The following PPME1 variants were observed in gnomAD, a reference collection of about 807,000 sequenced individuals.
The protein encoded by PPME1 is testicular secretory protein Li 39.
PPME1 carries 17 observed loss-of-function variants against 56.9 expected under a neutral mutation model. The ratio of observed to expected loss-of-function variants is 0.30; its 90% CI spans 0.20 to 0.45. PPME1 has a LOEUF of 0.45. PPME1 is among the 20% of genes least tolerant of loss of function. PPME1 has a pLI of 1.00. For missense variants in PPME1, 357 were observed against 483.2 expected (o/e 0.74, Z 2.45); for synonymous variants, 122 against 156.2 (o/e 0.78, Z 1.63).
At chr11:74,203,657 C>G in intron 1 of PPME1, 71 bp from the exon 2 acceptor site, 1 of 1,135,362 alleles carries the variant, frequency 8.8e-7, no homozygotes, top group Non-Finnish European at 1.3e-6. Context: ...TTACATTTAG[C>G]ATTTATTGAC....
chr11:74,243,735 G>C (rs983153453), intron 9 of PPME1, among the ~76,000 whole-genome samples: 1 of 151,058 alleles, frequency 6.6e-6, no homozygotes, highest in African/African-American at 2.4e-5. Flanking sequence ...CAAGTTTCTT[G>C]ATTTCCCATC....
At chr11:74,245,629 A>ACT (rs1439750408) in intron 9 of PPME1, among the ~76,000 whole-genome samples, 2 of 152,142 alleles carry the variant, frequency 1.3e-5, no homozygotes, top group Non-Finnish European at 2.9e-5. Context: ...TTAGTACTTT[A>ACT]CTATACCACA....
chr11:74,176,829 C>T (rs1351662368), intron 1 of PPME1, among the ~76,000 whole-genome samples: 1 of 147,228 alleles, frequency 6.8e-6, no homozygotes, highest in Non-Finnish European at 1.5e-5. Flanking sequence ...TTCCCGGGTT[C>T]AGGCGATTCT....
At chr11:74,173,846 T>TA (rs1857344342) in intron 1 of PPME1, among the ~76,000 whole-genome samples, 1 of 152,178 alleles carries the variant, frequency 6.6e-6, no homozygotes, top group Non-Finnish European at 1.5e-5. Flanking sequence ...CTGGACAACT[T>TA]ACCTTTTTAA....
chr11:74,190,182 C>G (rs752449227), intron 1 of PPME1, among the ~76,000 whole-genome samples: 2 of 152,164 alleles, frequency 1.3e-5, no homozygotes, highest in Non-Finnish European at 2.9e-5. Context: ...CCCTAGAGGA[C>G]CCACCTTCTG....
At chr11:74,195,259 T>C (rs1170748666) in intron 1 of PPME1, among the ~76,000 whole-genome samples, 6 of 152,230 alleles carry the variant, frequency 3.9e-5, no homozygotes, top group Non-Finnish European at 8.8e-5. Flanking sequence ...CCCACACTGG[T>C]ATTGAATTGC....
intron 4 of PPME1, chr11:74,222,599 C>A: frequency 2.2e-6 from 1 of 456,072 alleles, no homozygotes; most frequent in Non-Finnish European, 4.0e-6. Context: ...AGCAATTATC[C>A]TGCCTCAGTC....
chr11:74,171,585 T>C, intron 1 of PPME1, 63 bp downstream of exon 1: 2 of 1,516,362 alleles, frequency 1.3e-6, no homozygotes, highest in South Asian at 1.2e-5. Flanking sequence ...ATGGTATCTC[T>C]GGGCGTTCAT....
intron 4 of PPME1, 133 bp from the exon 5 acceptor site, chr11:74,225,072 C>A: frequency 1.7e-6 from 1 of 574,874 alleles, no homozygotes; most frequent in Non-Finnish European, 2.9e-6. Flanking sequence ...GAAGAAAATC[C>A]TTGCTAAACT....
At chr11:74,225,394 C>T (rs1022513187) in intron 5 of PPME1, 138 bp downstream of exon 5, 2 of 588,536 alleles carry the variant, frequency 3.4e-6, no homozygotes, top group Non-Finnish European at 5.6e-6. Flanking sequence ...TCTCTCTCCT[C>T]TACTTCTGGT....
intron 1 of PPME1, among the ~76,000 whole-genome samples, chr11:74,193,126 G>T (rs1857885948): frequency 6.6e-6 from 1 of 152,192 alleles, no homozygotes; most frequent in South Asian, 2.1e-4. Flanking sequence ...AGTACATTAT[G>T]TTTTTTCACT....
chr11:74,191,164 C>T (rs985370128), intron 1 of PPME1, among the ~76,000 whole-genome samples: 5 of 152,112 alleles, frequency 3.3e-5, no homozygotes, highest in African/African-American at 7.2e-5. Context: ...AGTGAGACTT[C>T]GTTTCTACTA....
At chr11:74,224,129 A>G (rs1433873515) in intron 4 of PPME1, among the ~76,000 whole-genome samples, 4 of 149,294 alleles carry the variant, frequency 2.7e-5, no homozygotes, top group Non-Finnish European at 6.0e-5. Flanking sequence ...TATAAGGTGT[A>G]AGGAAGGGAT....
chr11:74,220,225 ACTT>A (rs1005230717), intron 3 of PPME1, among the ~76,000 whole-genome samples: 1 of 152,166 alleles, frequency 6.6e-6, no homozygotes, highest in Non-Finnish European at 1.5e-5. Flanking sequence ...TTCCCAGCCG[ACTT>A]CTTAAGAAGA....
intron 5 of PPME1, 108 bp downstream of exon 5, chr11:74,225,364 A>G: frequency 2.4e-6 from 2 of 823,610 alleles, no homozygotes; most frequent in Non-Finnish European, 3.6e-6. Flanking sequence ...TAATTACCAC[A>G]AGGAAAATTT....
intron 8 of PPME1, among the ~76,000 whole-genome samples, chr11:74,236,257 AT>A (rs1859188519): frequency 6.6e-6 from 1 of 152,148 alleles, no homozygotes; most frequent in Admixed American, 6.5e-5. Flanking sequence ...GACATTACAA[AT>A]TATGTTAACC....
At chr11:74,207,409 A>T (rs1858355200) in intron 3 of PPME1, among the ~76,000 whole-genome samples, 1 of 152,182 alleles carries the variant, frequency 6.6e-6, no homozygotes, top group Non-Finnish European at 1.5e-5. Context: ...TGGCTTTAGT[A>T]ACAAAAACAA....
chr11:74,205,658 T>C (rs1264882819), intron 3 of PPME1: 2 of 152,234 alleles, frequency 1.3e-5, no homozygotes, highest in African/African-American at 4.8e-5. Flanking sequence ...AAGGATAATG[T>C]GTTACACTTT....
At chr11:74,203,679 C>T in intron 1 of PPME1, 49 bp from the exon 2 acceptor site, 2 of 1,414,802 alleles carry the variant, frequency 1.4e-6, no homozygotes, top group Admixed American at 1.9e-5. Context: ...AAGATTTTAT[C>T]TCTTTATGCA....
Sources: allele counts gnomAD v4.1 joint callset (sites outside exome capture counted in the v4.1 genomes callset), GRCh38; gene constraint gnomAD v4.1.1; transcripts MANE v1.5; gene names NCBI Gene and HGNC (gene_info 2026-07-23, HGNC 2026-07-21).